The following GMDS variants were observed in gnomAD, a reference collection of about 807,000 sequenced individuals.
GMDS encodes GDP-mannose 4,6 dehydratase.
GMDS carries 20 observed loss-of-function variants against 49.9 expected under a neutral mutation model. The observed-to-expected ratio is 0.40, with a 90% CI of 0.28 to 0.58. GMDS has a LOEUF of 0.58. GMDS is among the 20% of genes least tolerant of loss of function. GMDS has a pLI of 0.42. For missense variants in GMDS, 362 were observed against 481.4 expected (o/e 0.75, Z 2.32); for synonymous variants, 177 against 178.6 (o/e 0.99, Z 0.07).
chr6:2,208,270 G>C (rs1779896946), intron 1 of GMDS, among the ~76,000 whole-genome samples: 1 of 152,162 alleles, frequency 6.6e-6, no homozygotes, highest in South Asian at 2.1e-4. Context: ...GTTTAGATTA[G>C]AAAAGATTTA....
chr6:2,208,682 G>C (rs1779920795), intron 1 of GMDS, among the ~76,000 whole-genome samples: 1 of 152,264 alleles, frequency 6.6e-6, no homozygotes, highest in East Asian at 1.9e-4. Context: ...CAATGTAGCT[G>C]AAATACCCGA....
intron 4 of GMDS, among the ~76,000 whole-genome samples, chr6:2,035,537 C>T (rs1226195362): frequency 6.6e-6 from 1 of 152,030 alleles, no homozygotes; most frequent in Non-Finnish European, 1.5e-5. Flanking sequence ...TCTGTATCCC[C>T]CATCATACAT....
At chr6:2,159,082 A>G (rs1257271795) in intron 1 of GMDS, among the ~76,000 whole-genome samples, 3 of 152,224 alleles carry the variant, frequency 2.0e-5, no homozygotes, top group Non-Finnish European at 2.9e-5. Flanking sequence ...ACACTTCATG[A>G]AAGTCAACAC....
At chr6:2,048,578 T>C (rs1444948359) in intron 4 of GMDS, among the ~76,000 whole-genome samples, 2 of 152,234 alleles carry the variant, frequency 1.3e-5, no homozygotes, top group Admixed American at 1.3e-4. Flanking sequence ...TATTCACATA[T>C]GCATCTGCTG....
chr6:2,083,103 A>G (rs1281186921), intron 4 of GMDS, among the ~76,000 whole-genome samples: 2 of 152,252 alleles, frequency 1.3e-5, no homozygotes, highest in African/African-American at 2.4e-5. Context: ...AATTTCTCCA[A>G]GTCACTTGGC....
chr6:2,028,636 T>C (rs1311338013), intron 4 of GMDS, among the ~76,000 whole-genome samples: 1 of 152,172 alleles, frequency 6.6e-6, no homozygotes, highest in South Asian at 2.1e-4. Context: ...ATGCCCACTT[T>C]AAATAAGGAA....
chr6:1,760,388 C>T lies in GMDS; in HGVS notation c.772-17802G>A, dbSNP rs370931766. Reference sequence around the variant, plus strand: ...GGGATAAGTCACCACCTGTTGACCTCAGTATCCAGTGGGGAAGATGGCCAC... The same window carrying T: ...GGGATAAGTCACCACCTGTTGACCTTAGTATCCAGTGGGGAAGATGGCCAC... On this transcript the variant is annotated intron_variant, in intron 7 of 10. Coordinates refer to ENST00000380815, the MANE Select transcript of GMDS (RefSeq NM_001500.4). Among the ~76,000 whole-genome samples the T allele has an allele frequency of 1.3e-3, 191 of 152,252 alleles. 6 individuals carry two copies. In the South Asian group the frequency reaches 0.039, roughly 31 times the overall value.
In GMDS at chr6:1,836,157, G is replaced by A. The variant is rs368225066; in HGVS notation, c.772-93571C>T. 2.6e-5 allele frequency among the ~76,000 whole-genome samples: 4 copies of A among 152,246 alleles called. No individual in the cohort carries two copies. The highest frequency in any genetic ancestry group is 2.1e-4 in the South Asian group (1 of 4,830). On this transcript the variant is annotated intron_variant, in intron 7 of 10. Coordinates refer to ENST00000380815, the MANE Select transcript of GMDS (RefSeq NM_001500.4). The surrounding 1 kb of genome is among the most constrained non-coding windows in gnomAD (Gnocchi z 4.2). ...GCTGGGATTACAGGCCTGAGCCACC[G>A]TGCCTGGCCTCGTTTGCTTTATTTT...
At chr6:1,974,815 G>C (rs947372604) in intron 4 of GMDS, among the ~76,000 whole-genome samples, 1 of 151,074 alleles carries the variant, frequency 6.6e-6, no homozygotes, top group Non-Finnish European at 1.5e-5. Context: ...CAGATCACCT[G>C]AGGTCAGGAG....
chr6:1,656,166 C>A (rs963716161), intron 9 of GMDS, among the ~76,000 whole-genome samples: 8 of 152,160 alleles, frequency 5.3e-5, no homozygotes, highest in African/African-American at 1.9e-4. Flanking sequence ...ATTAATTTTC[C>A]AAAACTTAGC....
At chr6:1,827,158 C>T (rs2113716533) in intron 7 of GMDS, among the ~76,000 whole-genome samples, 1 of 150,398 alleles carries the variant, frequency 6.6e-6, no homozygotes, top group South Asian at 2.1e-4. Context: ...TATATGCACA[C>T]ACACACACAC....
rs533195477 is a variant in GMDS, at chr6:1,909,806, TATCCATCAAGATGGC to T, written c.771+20282_771+20296del. Among the ~76,000 whole-genome samples the T allele has an allele frequency of 2.4e-3, 364 of 152,320 alleles. 2 individuals are homozygous for T. Among genetic ancestry groups the T allele is most frequent in the African/African-American group, 8.3e-3 (346 of 41,578 alleles). ...ACCACAATGAAAGTGATACAGTGCT[TATCCATCAAGATGGC>T]ATCACAGAAGCATCCAGATTTTCTT... On this transcript the variant is annotated intron_variant, in intron 7 of 10. Coordinates refer to ENST00000380815, the MANE Select transcript of GMDS (RefSeq NM_001500.4).
intron 7 of GMDS, among the ~76,000 whole-genome samples, chr6:1,852,186 T>G (rs895573782): frequency 6.6e-6 from 1 of 152,198 alleles, no homozygotes; most frequent in African/African-American, 2.4e-5. Flanking sequence ...GTTGGTGCAG[T>G]AGCAGCAGAT....
intron 7 of GMDS, among the ~76,000 whole-genome samples, chr6:1,776,001 GTGTCCTGTCCCCTCC>G (rs1424890850): frequency 6.6e-6 from 1 of 152,134 alleles, no homozygotes; most frequent in Non-Finnish European, 1.5e-5. Flanking sequence ...AATACAATGG[GTGTCCTGTCCCCTCC>G]TGTGCTGTAC....
chr6:2,048,008 A>C (rs968233014), intron 4 of GMDS, among the ~76,000 whole-genome samples: 1 of 152,312 alleles, frequency 6.6e-6, no homozygotes, highest in Non-Finnish European at 1.5e-5. Flanking sequence ...CATACTGAGT[A>C]ACAGCACTAA....
At chr6:2,044,867 A>G (rs143803351) in intron 4 of GMDS, among the ~76,000 whole-genome samples, 88 of 149,994 alleles carry the variant, frequency 5.9e-4, no homozygotes, top group African/African-American at 1.6e-3. Flanking sequence ...TGTTCAATCT[A>G]TAATTTTTTC....
chr6:2,216,324 T>A (rs1312439540), intron 1 of GMDS, among the ~76,000 whole-genome samples: 1 of 152,234 alleles, frequency 6.6e-6, no homozygotes, highest in African/African-American at 2.4e-5. Context: ...AGACTAACAA[T>A]CTCATTCCAT....
chr6:1,727,769 G>A (rs1246145128), intron 8 of GMDS, among the ~76,000 whole-genome samples: 11 of 152,258 alleles, frequency 7.2e-5, no homozygotes, highest in Admixed American at 1.3e-4. Context: ...ATATTTCACC[G>A]TTGGAGGAAT....
chr6:2,150,461 C>T (rs1776788269), intron 1 of GMDS, among the ~76,000 whole-genome samples: 1 of 152,138 alleles, frequency 6.6e-6, no homozygotes, highest in African/African-American at 2.4e-5. Context: ...GTCTACCTCT[C>T]CCACTAACAC....
Sources: allele counts gnomAD v4.1 joint callset (sites outside exome capture counted in the v4.1 genomes callset), GRCh38; gene constraint gnomAD v4.1.1; non-coding constraint Gnocchi (gnomAD v3.1); transcripts MANE v1.5; gene names NCBI Gene and HGNC (gene_info 2026-07-23, HGNC 2026-07-21).